PKD1L1: variants seen among roughly 807,000 people sequenced by gnomAD.
PKD1L1 encodes the protein polycystin-1-like protein 1.
PKD1L1 carries 236 observed loss-of-function variants against 323.4 expected under a neutral mutation model. That is an observed-to-expected ratio of 0.73 (90% CI 0.66 to 0.81). The LOEUF is 0.81. PKD1L1 is among the 40% of genes least tolerant of loss of function. The pLI, the probability that PKD1L1 is intolerant of heterozygous loss-of-function variation, is 0.00. For missense variants in PKD1L1, 3,320 were observed against 3,508.0 expected, an observed-to-expected ratio of 0.95 and a Z score of 1.35; for synonymous variants, 1,344 against 1,335.0, an observed-to-expected ratio of 1.01 and a Z score of -0.15.
intron 56 of PKD1L1, 92 bp downstream of exon 56, chr7:47,792,535 C>T (rs1310230090): frequency 1.6e-6 from 2 of 1,281,234 alleles, no homozygotes; most frequent in Non-Finnish European, 2.2e-6. Flanking sequence ...GCAAATGGAC[C>T]TTATAATTTG....
Position 47,815,357 on chromosome 7 carries a change from A to C in PKD1L1, c.7066T>G (p.Ser2356Ala). 1 of 1,614,172 alleles carries C rather than the reference A, an allele frequency of 6.2e-7. No individual in the cohort carries two copies. Among genetic ancestry groups the C allele is most frequent in the Admixed American group, 1.7e-5 (1 of 60,024 alleles). The change falls in exon 47 of 57, where the codon TCA becomes GCA. Residue 2356 changes from serine to alanine, a missense_variant. Transcript: ENST00000289672. ...ACCTGAGCCCCCGGCACACGGGCTG[A>C]CGGGGTGCCTCCCGGGTACAGGCCA... is the stretch of plus-strand genomic sequence containing the variant. Reference protein sequence around the residue: ...LDGLYPGGTPSARVPGAQPGA... With the variant: ...LDGLYPGGTPAARVPGAQPGA...
Position 47,839,571 on chromosome 7 carries a change from C to T in PKD1L1, c.5644G>A (p.Val1882Met). The T allele has an allele frequency of 1.9e-6, 3 of 1,604,854 alleles. No individual in the cohort carries two copies. Among genetic ancestry groups the T allele is most frequent in the Non-Finnish European group, 2.6e-6 (3 of 1,176,168 alleles). The change falls in exon 36 of 57, where the codon GTG becomes ATG. Residue 1882 changes from valine to methionine, a missense_variant. Physicochemically the swap from Val to Met is conservative, Grantham distance 21. Transcript: ENST00000289672. The surrounding 1 kb of genome is among the most constrained non-coding windows in gnomAD (Gnocchi z 4.3). ...SPGWFISHVM[V>M]KELHTGQGWF... The stretch of plus-strand genomic sequence containing the variant: ...CCCTGTCCCGTGTGCAGCTCCTTCA[C>T]CATCACGTGGCTGATGAACCAGCCT...
rs574735786 is a variant in PKD1L1, at chr7:47,863,201, C to T, written c.4149+2015G>A. 9.3e-4 allele frequency among the ~76,000 whole-genome samples: 142 copies of T among 152,246 alleles called. 1 individual carries two copies. The highest frequency in any genetic ancestry group is 3.2e-3 in the African/African-American group (135 of 41,542). ...ATGGGATTCTGCATGGACGGTGCTG[C>T]CCTGTCCTGGGCTGAAGAAAGTAGG... On this transcript the variant is annotated intron_variant, in intron 26 of 56. Transcript: ENST00000289672.
intron 55 of PKD1L1, among the ~76,000 whole-genome samples, chr7:47,793,636 A>C (rs1787006608): frequency 6.6e-6 from 1 of 152,176 alleles, no homozygotes; most frequent in African/African-American, 2.4e-5. Context: ...CTAAAACAGT[A>C]AATTGGTACC....
intron 24 of PKD1L1, among the ~76,000 whole-genome samples, chr7:47,870,756 T>C (rs111399036): frequency 0.023 from 3,425 of 152,196 alleles, 128 homozygotes; most frequent in African/African-American, 0.078. Flanking sequence ...CCCAGCACTT[T>C]GGGAGGCCAA....
chr7:47,794,130 C>T (rs1003506545), intron 55 of PKD1L1, among the ~76,000 whole-genome samples: 2 of 152,186 alleles, frequency 1.3e-5, no homozygotes, highest in African/African-American at 4.8e-5. Flanking sequence ...AAGAAAAACT[C>T]ATTTTCTGGG....
chr7:47,839,722 A>G lies in PKD1L1; in HGVS notation c.5553-60T>C. Reference sequence around the variant, plus strand: ...GGTGACAGTGTGGTCCTGGCATCCCATCAGCCCCAATGCTCACCCTCAAGG... The same window carrying G: ...GGTGACAGTGTGGTCCTGGCATCCCGTCAGCCCCAATGCTCACCCTCAAGG... On this transcript the variant is annotated intron_variant, in intron 35 of 56. Transcript: ENST00000289672. The surrounding 1 kb of genome is among the most constrained non-coding windows in gnomAD (Gnocchi z 4.3). 1 of 1,471,926 alleles carries G rather than the reference A, an allele frequency of 6.8e-7. No individual in the cohort carries two copies. Among genetic ancestry groups the G allele is most frequent in the East Asian group, 2.5e-5 (1 of 40,376 alleles). 91.2% of individuals were successfully genotyped at this position (1,471,926 alleles called of 1,614,324 possible).
upstream of PKD1L1, among the ~76,000 whole-genome samples, chr7:47,949,153 G>A (rs1403722307): frequency 1.3e-5 from 2 of 151,564 alleles, no homozygotes; most frequent in African/African-American, 2.4e-5. Context: ...GGCGGATCAC[G>A]AGGTCAGGAG....
intron 6 of PKD1L1, 49 bp from the exon 7 acceptor site, chr7:47,929,575 G>T (rs747527709): frequency 1.3e-6 from 2 of 1,512,332 alleles, no homozygotes; most frequent in East Asian, 2.3e-5. Context: ...TGGACCACTG[G>T]GGTGGGAGGG....
intron 31 of PKD1L1, 51 bp downstream of exon 31, chr7:47,853,076 T>C: frequency 8.3e-7 from 1 of 1,203,462 alleles, no homozygotes; most frequent in Middle Eastern, 1.9e-4. Flanking sequence ...TTATAGGGGA[T>C]GTTTTAATCA....
In PKD1L1 at chr7:47,831,317, A is replaced by G. The variant is rs1357725606; in HGVS notation, c.6373T>C (p.Trp2125Arg). 2.1e-5 allele frequency: 34 copies of G among 1,614,084 alleles called. No individual in the cohort carries two copies. Among genetic ancestry groups the G allele is most frequent in the South Asian group, 3.3e-5 (3 of 91,058 alleles). Residue 2125 changes from tryptophan to arginine, a missense_variant, in exon 42 of 57, where the codon TGG (tryptophan) becomes CGG (arginine). Coordinates refer to ENST00000289672, the MANE Select transcript of PKD1L1 (RefSeq NM_138295.5). ...SSGLEGLMPQWSRALQPWWSS... is the reference protein window; with the variant it reads ...SSGLEGLMPQRSRALQPWWSS... ...CACCAAGGCTGAAGGGCCCTTGACC[A>G]CTGGGGCATTAGTCCCTCCAAACCA...
chr7:47,840,541 A>G lies in PKD1L1; in HGVS notation c.5472T>C (p.Asn1824=), dbSNP rs750040850. ...AGAGCTCCTTGGTTTCTGACAGTCC[A>G]TTGTCGCCACATAAAACAATGTACA... ...SKVYIVLCGD[N]GLSETKELSC... The change falls in exon 35 of 57, where the codon AAT becomes AAC. Residue 1824 remains asparagine (N), a synonymous_variant. Transcript: ENST00000289672. This position sits in a 1 kb window ranked among gnomAD's most constrained non-coding sequence, Gnocchi z 4.1. 2 of 1,614,084 alleles carry G rather than the reference A, an allele frequency of 1.2e-6. No homozygotes were observed. Among genetic ancestry groups the G allele is most frequent in the Non-Finnish European group, 1.7e-6 (2 of 1,179,970 alleles).
rs1562995989 is a variant in PKD1L1 at position 47,932,000 on chromosome 7, C to CT, written c.454dup (p.Arg152LysfsTer117). 1.2e-6 allele frequency: 2 copies of CT among 1,614,130 alleles called. No individual in the cohort carries two copies. Among genetic ancestry groups the CT allele is most frequent in the Non-Finnish European group, 1.7e-6 (2 of 1,179,980 alleles). On this transcript the variant is annotated frameshift_variant, in exon 5 of 57. Transcript: ENST00000289672. LOFTEE classifies it high-confidence loss of function. Reference sequence around the variant, plus strand: ...AGCACACAGCCGCCTGTGATGGAACCTGGGGCCACCACTGCTCCAGGCCCT... The same window carrying CT: ...AGCACACAGCCGCCTGTGATGGAACCTTGGGGCCACCACTGCTCCAGGCCCT...
intron 32 of PKD1L1, among the ~76,000 whole-genome samples, chr7:47,845,898 C>A (rs1229382331): frequency 6.6e-6 from 1 of 151,148 alleles, no homozygotes; most frequent in East Asian, 2.0e-4. Flanking sequence ...CATTTTTGTA[C>A]CCTTGGCTCA....
intron 22 of PKD1L1, among the ~76,000 whole-genome samples, 191 bp downstream of exon 22, chr7:47,877,298 T>C (rs1786428315): frequency 2.0e-5 from 3 of 152,174 alleles, no homozygotes. Context: ...GGGGCCACTT[T>C]GCACTCCTCT....
chr7:47,905,027 G>T, intron 11 of PKD1L1, 130 bp downstream of exon 11: 1 of 979,088 alleles, frequency 1.0e-6, no homozygotes, highest in Non-Finnish European at 1.5e-6. Context: ...CTTCACAGAA[G>T]GACCTAGTGG....
At position 47,844,994 on chromosome 7, in the gene PKD1L1, C is replaced by G. The variant is rs1785634488; in HGVS notation, c.5237+1G>C. ...GTCTTTATGTAGGAAATGGAACTTA[C>G]CTCTGTAGCTTGGAAATGTCACTCA... On this transcript the variant is annotated splice_donor_variant, in intron 33 of 56. Coordinates refer to ENST00000289672, the MANE Select transcript of PKD1L1 (RefSeq NM_138295.5). LOFTEE classifies it high-confidence loss of function. 6.2e-7 allele frequency: 1 copy of G among 1,612,150 alleles called. No homozygotes were observed. The highest frequency in any genetic ancestry group is 8.5e-7 in the Non-Finnish European group (1 of 1,178,494).
chr7:47,808,150 G>T, intron 52 of PKD1L1, 97 bp downstream of exon 52: 2 of 1,441,756 alleles, frequency 1.4e-6, no homozygotes, highest in East Asian at 2.3e-5. Context: ...AAACAAATCT[G>T]TTGTCTCGCA....
At chr7:47,853,939 C>T (rs761784837) in intron 30 of PKD1L1, among the ~76,000 whole-genome samples, 1 of 152,104 alleles carries the variant, frequency 6.6e-6, no homozygotes, top group Non-Finnish European at 1.5e-5. Flanking sequence ...AACTCTTTAC[C>T]GTAACCTGTT....
Sources: allele counts gnomAD v4.1 joint callset (sites outside exome capture counted in the v4.1 genomes callset), GRCh38; gene constraint gnomAD v4.1.1; non-coding constraint Gnocchi (gnomAD v3.1); transcripts MANE v1.5; gene names NCBI Gene and HGNC (gene_info 2026-07-23, HGNC 2026-07-21).